GRK5: variants seen among roughly 807,000 people sequenced by gnomAD.
GRK5 encodes g protein-coupled receptor kinase GRK5.
Under a neutral mutation model 78.4 loss-of-function variants are expected in GRK5, and 40 were observed. The observed-to-expected ratio is 0.51, with a 90% CI of 0.40 to 0.66. The LOEUF is 0.66. Ranked by LOEUF, GRK5 falls within the 30% of genes least tolerant of loss-of-function variation. The pLI is 0.00. For missense variants in GRK5, 598 were observed against 759.9 expected, an observed-to-expected ratio of 0.79 and a Z score of 2.50; for synonymous variants, 289 against 296.8, an observed-to-expected ratio of 0.97 and a Z score of 0.27.
intron 12 of GRK5, among the ~76,000 whole-genome samples, chr10:119,444,548 C>T (rs1853105109): frequency 6.6e-6 from 1 of 152,178 alleles, no homozygotes; most frequent in Admixed American, 6.5e-5. Context: ...CAGCCCATGC[C>T]CCCTTGGGGC....
intron 2 of GRK5, among the ~76,000 whole-genome samples, chr10:119,348,304 T>A (rs1158238763): frequency 6.6e-6 from 1 of 152,252 alleles, no homozygotes; most frequent in Non-Finnish European, 1.5e-5. Context: ...CTCCCTCTTT[T>A]GCTGTTTGTT....
intron 1 of GRK5, among the ~76,000 whole-genome samples, chr10:119,243,545 C>G (rs1313804593): frequency 1.3e-5 from 2 of 149,910 alleles, no homozygotes; most frequent in African/African-American, 4.9e-5. Flanking sequence ...TCCAAGGATT[C>G]AAACAATGTT....
intron 1 of GRK5, among the ~76,000 whole-genome samples, chr10:119,317,458 T>C (rs1392516060): frequency 6.8e-6 from 1 of 147,190 alleles, no homozygotes; most frequent in Non-Finnish European, 1.5e-5. Flanking sequence ...TGGGGGAGAG[T>C]TGGGGGGAAG....
chr10:119,455,458 T>C lies in GRK5; in HGVS notation c.*391T>C. On this transcript the variant is annotated 3_prime_UTR_variant, in exon 16 of 16. Coordinates refer to ENST00000392870, the MANE Select transcript of GRK5 (RefSeq NM_005308.3). ...TTGTATATTTGTATTTAAATGAAAG[T>C]GAGACTTTGAGGGTGTATATTTTCT... 2.6e-6 allele frequency: 1 copy of C among 381,756 alleles called. No homozygotes were observed. 23.6% of individuals were successfully genotyped at this position (381,756 alleles called of 1,614,324 possible).
chr10:119,223,717 T>TTA (rs1491406241), intron 1 of GRK5, among the ~76,000 whole-genome samples: 2 of 148,292 alleles, frequency 1.3e-5, no homozygotes, highest in Non-Finnish European at 3.0e-5. Flanking sequence ...TATATATATA[T>TTA]TATATATATC....
At chr10:119,288,081 G>A (rs1310752045) in intron 1 of GRK5, among the ~76,000 whole-genome samples, 7 of 152,224 alleles carry the variant, frequency 4.6e-5, no homozygotes, top group African/African-American at 1.2e-4. Context: ...CGGGGAGGCC[G>A]TGGGTGTGCA....
chr10:119,280,744 T>TTTCC (rs1219707686), intron 1 of GRK5, among the ~76,000 whole-genome samples: 12 of 151,056 alleles, frequency 7.9e-5, no homozygotes, highest in African/African-American at 2.4e-4. Flanking sequence ...TGACTTCCTG[T>TTTCC]TTCCTTCCTT....
intron 1 of GRK5, among the ~76,000 whole-genome samples, chr10:119,208,809 A>G (rs1006989279): frequency 1.3e-5 from 2 of 151,634 alleles, no homozygotes; most frequent in African/African-American, 4.8e-5. Flanking sequence ...AACAGAAAAA[A>G]GGGGGGGGAG....
intron 1 of GRK5, among the ~76,000 whole-genome samples, chr10:119,256,933 G>T (rs1849295939): frequency 6.6e-6 from 1 of 152,160 alleles, no homozygotes; most frequent in Non-Finnish European, 1.5e-5. Flanking sequence ...AATCTGGGTT[G>T]TCTCTGGATT....
rs1003112276 is a variant in GRK5 at position 119,336,297 on chromosome 10, C to G, written c.148+9686C>G. 6.6e-6 allele frequency: 1 copy of G among 152,318 alleles called. No homozygotes were observed. The highest frequency in any genetic ancestry group is 1.5e-5 in the Non-Finnish European group (1 of 68,118). 9.4% of individuals were successfully genotyped at this position (152,318 alleles called of 1,614,324 possible). A position where few individuals can be genotyped will look rare whatever the true frequency, so the allele number is the denominator to read the frequency against. Reference sequence around the variant, plus strand: ...GCCCAGGGAAGCTGGAAGCATCACACTCTGCCCAGGCCCCTGCTCTGGCCC... The same window carrying G: ...GCCCAGGGAAGCTGGAAGCATCACAGTCTGCCCAGGCCCCTGCTCTGGCCC... On this transcript the variant is annotated intron_variant, in intron 2 of 15. Coordinates refer to ENST00000392870, the MANE Select transcript of GRK5 (RefSeq NM_005308.3). This position sits in a 1 kb window ranked among gnomAD's most constrained non-coding sequence, Gnocchi z 4.5.
chr10:119,452,618 C>A lies in GRK5; in HGVS notation c.1405-53C>A, dbSNP rs1853310795. The stretch of plus-strand genomic sequence containing the variant: ...CAAAACCCCAAGGCCTGGCTCGGGG[C>A]CACTGGAGCCGCAGGCGGGACATAT... On this transcript the variant is annotated intron_variant, in intron 13 of 15. Coordinates refer to ENST00000392870, the MANE Select transcript of GRK5 (RefSeq NM_005308.3). The surrounding 1 kb of genome is among the most constrained non-coding windows in gnomAD (Gnocchi z 4.4). 1 of 1,608,222 alleles carries A rather than the reference C, an allele frequency of 6.2e-7. No individual in the cohort carries two copies. Among genetic ancestry groups the A allele is most frequent in the Admixed American group, 1.7e-5 (1 of 59,854 alleles).
At chr10:119,422,942 A>G (rs1852599673) in intron 4 of GRK5, among the ~76,000 whole-genome samples, 1 of 152,200 alleles carries the variant, frequency 6.6e-6, no homozygotes, top group African/African-American at 2.4e-5. Flanking sequence ...AGGCTCATTC[A>G]CCACCTTCCA....
intron 2 of GRK5, among the ~76,000 whole-genome samples, chr10:119,327,770 G>A (rs887909503): frequency 1.3e-5 from 2 of 152,216 alleles, no homozygotes; most frequent in Non-Finnish European, 2.9e-5. Context: ...GGCCATCTGT[G>A]CCCCGCCCCA....
chr10:119,345,611 G>A (rs925670054), intron 2 of GRK5, among the ~76,000 whole-genome samples: 12 of 152,050 alleles, frequency 7.9e-5, no homozygotes, highest in African/African-American at 2.9e-4. Context: ...TTAACACTCA[G>A]AAGATTCTTG....
At chr10:119,327,577 G>A (rs898070600) in intron 2 of GRK5, among the ~76,000 whole-genome samples, 2 of 152,202 alleles carry the variant, frequency 1.3e-5, no homozygotes, top group African/African-American at 4.8e-5. Flanking sequence ...CGGGTGAGCT[G>A]CCCCGTGCCT....
At chr10:119,440,557 T>C (rs1853011700) in intron 10 of GRK5, among the ~76,000 whole-genome samples, 2 of 151,794 alleles carry the variant, frequency 1.3e-5, no homozygotes, top group Admixed American at 6.6e-5. Context: ...TTTGTATTTT[T>C]TTTTTTTTTT....
intron 1 of GRK5, among the ~76,000 whole-genome samples, chr10:119,290,132 A>G (rs1304488613): frequency 6.6e-6 from 1 of 152,086 alleles, no homozygotes; most frequent in African/African-American, 2.4e-5. Flanking sequence ...GGATTGCCTG[A>G]GCTCAGGAGT....
In GRK5 at chr10:119,412,008, G is replaced by A. The variant is rs970709575; in HGVS notation, c.340-11158G>A. 7.2e-5 allele frequency among the ~76,000 whole-genome samples: 11 copies of A among 151,786 alleles called. No individual in the cohort carries two copies. Among genetic ancestry groups the A allele is most frequent in the South Asian group, 2.1e-4 (1 of 4,792 alleles). On this transcript the variant is annotated intron_variant, in intron 4 of 15. Transcript: ENST00000392870. This position sits in a 1 kb window ranked among gnomAD's most constrained non-coding sequence, Gnocchi z 4.3. ...TGGGACTATAGGCATACACCACCAC[G>A]CCTGGCTAATTTTTGTATTTTTAGT...
At chr10:119,262,367 C>G (rs1417998560) in intron 1 of GRK5, among the ~76,000 whole-genome samples, 10 of 140,850 alleles carry the variant, frequency 7.1e-5, no homozygotes, top group African/African-American at 2.7e-4. Context: ...GAGATGGAGT[C>G]TCCCTCTGTT....
Sources: allele counts gnomAD v4.1 joint callset (sites outside exome capture counted in the v4.1 genomes callset), GRCh38; gene constraint gnomAD v4.1.1; non-coding constraint Gnocchi (gnomAD v3.1); transcripts MANE v1.5; gene names NCBI Gene and HGNC (gene_info 2026-07-23, HGNC 2026-07-21).